The following UNC5D variants were observed in gnomAD, a reference collection of about 807,000 sequenced individuals.
The protein encoded by UNC5D is unc-5 netrin receptor D.
A neutral mutation model predicts 105.4 loss-of-function variants in UNC5D; 39 were observed. The ratio of observed to expected loss-of-function variants is 0.37; its 90% confidence interval spans 0.29 to 0.48. UNC5D has a LOEUF of 0.48. UNC5D is among the 20% of genes least tolerant of loss of function. The pLI, the probability that UNC5D is intolerant of heterozygous loss-of-function variation, is 0.98. For missense variants in UNC5D, 991 were observed against 1,202.4 expected, an observed-to-expected ratio of 0.82 and a Z score of 2.60; for synonymous variants, 452 against 450.4, an observed-to-expected ratio of 1.00 and a Z score of -0.04.
intron 1 of UNC5D, among the ~76,000 whole-genome samples, chr8:35,537,488 T>G (rs942605416): frequency 3.9e-5 from 6 of 152,082 alleles, no homozygotes; most frequent in Admixed American, 1.3e-4. Flanking sequence ...AAGACCATCC[T>G]GGGCAACAGA....
At chr8:35,643,275 G>A (rs866032510) in intron 4 of UNC5D, among the ~76,000 whole-genome samples, 4 of 152,216 alleles carry the variant, frequency 2.6e-5, no homozygotes, top group African/African-American at 4.8e-5. Context: ...GGAAAAAGTC[G>A]CCCTTGGTTG....
intron 7 of UNC5D, among the ~76,000 whole-genome samples, chr8:35,702,424 A>G (rs1827271262): frequency 6.6e-6 from 1 of 152,058 alleles, no homozygotes; most frequent in Admixed American, 6.6e-5. Context: ...AAAGCTCCCC[A>G]GGTGATTCTA....
chr8:35,730,785 A>T (rs1829151445), intron 10 of UNC5D, among the ~76,000 whole-genome samples: 1 of 152,134 alleles, frequency 6.6e-6, no homozygotes, highest in Admixed American at 6.5e-5. Context: ...AAAAAAAAAA[A>T]ACTAATTTGA....
At chr8:35,625,795 T>C (rs1315706562) in intron 4 of UNC5D, among the ~76,000 whole-genome samples, 1 of 152,162 alleles carries the variant, frequency 6.6e-6, no homozygotes, top group Admixed American at 6.5e-5. Context: ...ATACAATAAG[T>C]GTGCTTCATT....
chr8:35,685,526 T>G (rs1825949235), intron 6 of UNC5D, among the ~76,000 whole-genome samples: 2 of 152,150 alleles, frequency 1.3e-5, no homozygotes, highest in Admixed American at 6.5e-5. Flanking sequence ...AATTGCAAAT[T>G]TAGTTGCAAT....
chr8:35,714,583 T>C (rs955015358), intron 8 of UNC5D, among the ~76,000 whole-genome samples: 1 of 152,168 alleles, frequency 6.6e-6, no homozygotes, highest in African/African-American at 2.4e-5. Flanking sequence ...TACTAAACAA[T>C]CAGTAAAGAA....
chr8:35,478,197 T>A lies in UNC5D; in HGVS notation c.104-71095T>A, dbSNP rs186169709. Among the ~76,000 whole-genome samples the A allele has an allele frequency of 1.7e-4, 26 of 152,242 alleles. No homozygotes were observed. The East Asian group carries it at 5.0e-3, about 29-fold the overall frequency. ...ACAGATGGGTTTACCTCTTCAAAAA[T>A]TTTTTGAATTTTTATTTAGAGTATT... is the stretch of plus-strand genomic sequence containing the variant. On this transcript the variant is annotated intron_variant, in intron 1 of 16. Transcript: ENST00000404895.
In UNC5D at chr8:35,669,517, A is replaced by G. The variant is rs967529851; in HGVS notation, c.571-14030A>G. ...TGCAAATTTCTATCCATCCTATTTT[A>G]CCCCCTAATTCCTTTACAAGATTCT... On this transcript the variant is annotated intron_variant, in intron 4 of 16. Transcript: ENST00000404895. 5.3e-5 allele frequency among the ~76,000 whole-genome samples: 8 copies of G among 151,836 alleles called. No homozygotes were observed. The East Asian group carries it at 1.6e-3, about 30-fold the overall frequency.
chr8:35,313,730 G>A (rs1048790568), intron 1 of UNC5D, among the ~76,000 whole-genome samples: 3 of 152,190 alleles, frequency 2.0e-5, no homozygotes, highest in African/African-American at 4.8e-5. Flanking sequence ...GTGTTGGTAA[G>A]TTACAGCCCT....
chr8:35,451,705 G>T (rs4346988), intron 1 of UNC5D, among the ~76,000 whole-genome samples: 22,669 of 152,108 alleles, frequency 0.15, 2,554 homozygotes, highest in African/African-American at 0.31. Flanking sequence ...CTATGATGCT[G>T]TCCTCTGATT....
chr8:35,405,093 A>G lies in UNC5D; in HGVS notation c.104-144199A>G, dbSNP rs1447763284. ...TGAAACATAAAGCTTTTTAGAAACAATATGTGAGCAAAGAGCTGTTAAAGC... is the reference window on the plus strand; with the variant it reads ...TGAAACATAAAGCTTTTTAGAAACAGTATGTGAGCAAAGAGCTGTTAAAGC... On this transcript the variant is annotated intron_variant, in intron 1 of 16. Transcript: ENST00000404895. Among the ~76,000 whole-genome samples, 4 of 152,336 alleles carry G rather than the reference A, an allele frequency of 2.6e-5. No homozygotes were observed. In the East Asian group the frequency reaches 5.8e-4, roughly 22 times the overall value.
chr8:35,778,948 G>A (rs537361169), intron 16 of UNC5D, among the ~76,000 whole-genome samples: 1 of 152,326 alleles, frequency 6.6e-6, no homozygotes, highest in African/African-American at 2.4e-5. Context: ...GTGCTGTACG[G>A]CTGGCAACAC....
chr8:35,246,038 A>T (rs1803072520), intron 1 of UNC5D, among the ~76,000 whole-genome samples: 2 of 152,094 alleles, frequency 1.3e-5, no homozygotes, highest in Admixed American at 1.3e-4. Context: ...CTCCTCTTCA[A>T]GTCAAAACTT....
chr8:35,634,291 G>T (rs189026389), intron 4 of UNC5D, among the ~76,000 whole-genome samples: 1 of 152,154 alleles, frequency 6.6e-6, no homozygotes, highest in East Asian at 1.9e-4. Context: ...CACGGCACAC[G>T]CATTTTCCCT....
At chr8:35,614,901 A>T (rs1186257440) in intron 4 of UNC5D, among the ~76,000 whole-genome samples, 1 of 152,092 alleles carries the variant, frequency 6.6e-6, no homozygotes, top group Non-Finnish European at 1.5e-5. Context: ...AAGGGTCAGA[A>T]GCATGGACGT....
chr8:35,785,840 G>T (rs186929822), intron 16 of UNC5D, among the ~76,000 whole-genome samples: 111 of 152,254 alleles, frequency 7.3e-4, no homozygotes, highest in South Asian at 1.7e-3. Context: ...GCTACAGCAG[G>T]TAATTTATCT....
intron 13 of UNC5D, among the ~76,000 whole-genome samples, chr8:35,755,564 C>A (rs1830481658): frequency 6.6e-6 from 1 of 152,070 alleles, no homozygotes; most frequent in South Asian, 2.1e-4. Context: ...CCCTGAAGCA[C>A]ACCTGAATAT....
intron 4 of UNC5D, among the ~76,000 whole-genome samples, chr8:35,608,203 T>C (rs1445727133): frequency 1.3e-5 from 2 of 152,186 alleles, no homozygotes; most frequent in Non-Finnish European, 2.9e-5. Flanking sequence ...ATGTATATGC[T>C]TTTTGGAATA....
At chr8:35,677,241 T>TATCA (rs1051348343) in intron 4 of UNC5D, among the ~76,000 whole-genome samples, 7 of 152,180 alleles carry the variant, frequency 4.6e-5, no homozygotes, top group African/African-American at 1.7e-4. Flanking sequence ...TTCATTGCAC[T>TATCA]ATCATTTTTT....
Sources: gnomAD v4.1 joint callset for allele counts (sites outside exome capture counted in the v4.1 genomes callset) on GRCh38, gnomAD v4.1.1 for gene constraint, MANE v1.5 for transcripts, NCBI Gene and HGNC (gene_info 2026-07-23, HGNC 2026-07-21) for gene names.